Variants in NRP1 observed in about 807,000 individuals in gnomAD.
The protein encoded by NRP1 is neuropilin 1.
Under a neutral mutation model 106.7 loss-of-function variants are expected in NRP1, and 35 were observed. The observed-to-expected ratio is 0.33, with a 90% confidence interval of 0.25 to 0.43. NRP1 has a LOEUF of 0.43. NRP1 is among the 20% of genes least tolerant of loss of function. NRP1 has a pLI of 1.00. For missense variants in NRP1, 1,024 were observed against 1,170.4 expected (o/e 0.87, Z 1.83); for synonymous variants, 437 against 417.9 (o/e 1.05, Z -0.56).
At chr10:33,332,890 T>TGC (rs778551620) in intron 1 of NRP1, among the ~76,000 whole-genome samples, 3 of 151,960 alleles carry the variant, frequency 2.0e-5, no homozygotes, top group Non-Finnish European at 2.9e-5. Flanking sequence ...TGTGTGTGTG[T>TGC]GTGTGTGTAC....
chr10:33,286,677 C>T (rs1844586925), intron 2 of NRP1, among the ~76,000 whole-genome samples: 1 of 152,160 alleles, frequency 6.6e-6, no homozygotes, highest in Non-Finnish European at 1.5e-5. Context: ...ACAGAACAAA[C>T]TTAACTTATT....
In NRP1 at chr10:33,215,718, C is replaced by T. The variant is rs542447521; in HGVS notation, c.1283-2001G>A. Among the ~76,000 whole-genome samples the T allele has an allele frequency of 2.0e-5, 3 of 152,262 alleles. No individual in the cohort carries two copies. The South Asian group carries it at 6.2e-4, about 32-fold the overall frequency. On this transcript the variant is annotated intron_variant, in intron 8 of 16. Transcript: ENST00000374867. ...AACTAAGTCCACATTATCAGCTGAA[C>T]CTTAAGAATTCATTACTCAGATACT... is the stretch of plus-strand genomic sequence containing the variant.
Position 33,180,166 on chromosome 10 carries a change from A to G in NRP1, c.2682T>C (p.Ser894=), listed in dbSNP as rs1564357831. Reference sequence around the variant, plus strand: ...GTTCAAAGTTATAGTTCTCCAGGGCAGACAAGTTTCTTTCTGACATCCCAT... The same window carrying G: ...GTTCAAAGTTATAGTTCTCCAGGGCGGACAAGTTTCTTTCTGACATCCCAT... ...WHNGMSERNL[S]ALENYNFELV... is the part of the protein sequence containing the mutation. Residue 894 remains serine (S), a synonymous_variant, in exon 17 of 17, where the codon TCT becomes TCC. Coordinates refer to ENST00000374867, the MANE Select transcript of NRP1 (RefSeq NM_003873.7). The G allele has an allele frequency of 6.2e-7, 1 of 1,614,172 alleles. No individual in the cohort carries two copies. The highest frequency in any genetic ancestry group is 2.2e-5 in the East Asian group (1 of 44,874).
intron 8 of NRP1, 57 bp downstream of exon 8, chr10:33,221,662 T>A (rs1405665847): frequency 6.4e-7 from 1 of 1,563,294 alleles, no homozygotes; most frequent in Non-Finnish European, 8.8e-7. Flanking sequence ...TTTGCATAAA[T>A]CAAAACAAGA....
intron 6 of NRP1, among the ~76,000 whole-genome samples, chr10:33,252,802 C>T (rs1564425140): frequency 6.6e-6 from 1 of 152,194 alleles, no homozygotes; most frequent in Non-Finnish European, 1.5e-5. Flanking sequence ...GTAGACGTCT[C>T]ATCTTTTCTC....
chr10:33,252,658 G>C (rs1183779609), intron 6 of NRP1, among the ~76,000 whole-genome samples: 1 of 152,032 alleles, frequency 6.6e-6, no homozygotes, highest in Admixed American at 6.6e-5. Flanking sequence ...TCCCCCGAGA[G>C]GCACATCTGT....
chr10:33,198,849 G>A (rs1346300349), intron 11 of NRP1, among the ~76,000 whole-genome samples: 1 of 152,142 alleles, frequency 6.6e-6, no homozygotes, highest in African/African-American at 2.4e-5. Flanking sequence ...GAAGCTGCAG[G>A]AAGCAGCAGG....
intron 2 of NRP1, among the ~76,000 whole-genome samples, chr10:33,305,472 G>A (rs969707979): frequency 6.6e-6 from 1 of 152,126 alleles, no homozygotes; most frequent in Non-Finnish European, 1.5e-5. Flanking sequence ...ACCTGGAAAA[G>A]TAAGAAGTAG....
intron 2 of NRP1, 96 bp from the exon 3 acceptor site, chr10:33,270,952 A>G: frequency 1.8e-6 from 2 of 1,126,586 alleles, no homozygotes; most frequent in African/African-American, 1.6e-5. Context: ...ATAGTGTGCC[A>G]GGAAGAAAAA....
chr10:33,323,644 A>G (rs1847686580), intron 2 of NRP1, among the ~76,000 whole-genome samples: 1 of 152,066 alleles, frequency 6.6e-6, no homozygotes. Context: ...CAAGCCACTG[A>G]CTCTTACAAT....
At chr10:33,199,712 A>C (rs1837125495) in intron 11 of NRP1, among the ~76,000 whole-genome samples, 1 of 152,102 alleles carries the variant, frequency 6.6e-6, no homozygotes, top group Non-Finnish European at 1.5e-5. Flanking sequence ...TACAGTATTG[A>C]ACCAATTCAG....
intron 2 of NRP1, among the ~76,000 whole-genome samples, chr10:33,315,674 T>C (rs1453963841): frequency 3.3e-5 from 5 of 152,084 alleles, no homozygotes; most frequent in South Asian, 2.1e-4. Context: ...ATAAGGAACA[T>C]GAATGAAGTA....
chr10:33,293,685 A>G (rs1233867422), intron 2 of NRP1, among the ~76,000 whole-genome samples: 2 of 152,234 alleles, frequency 1.3e-5, no homozygotes, highest in Non-Finnish European at 2.9e-5. Context: ...AACAGAAAAC[A>G]TGTTCGTTAT....
chr10:33,198,073 C>CTTT (rs78668305), intron 11 of NRP1, among the ~76,000 whole-genome samples: 18,872 of 125,546 alleles, frequency 0.15, 1,405 homozygotes, highest in Middle Eastern at 0.25. Flanking sequence ...CTATTTTAGG[C>CTTT]TTTTTTTTTT....
chr10:33,296,515 G>C (rs142425570), intron 2 of NRP1, among the ~76,000 whole-genome samples: 1 of 152,162 alleles, frequency 6.6e-6, no homozygotes, highest in African/African-American at 2.4e-5. Flanking sequence ...GGATACAGAC[G>C]GGGCCCTGGG....
At chr10:33,299,425 C>T (rs916265814) in intron 2 of NRP1, among the ~76,000 whole-genome samples, 2 of 152,146 alleles carry the variant, frequency 1.3e-5, no homozygotes, top group Non-Finnish European at 2.9e-5. Context: ...TGACAACCAT[C>T]CCAGGATTTC....
At chr10:33,298,794 T>G (rs1036744299) in intron 2 of NRP1, among the ~76,000 whole-genome samples, 5 of 152,194 alleles carry the variant, frequency 3.3e-5, no homozygotes, top group African/African-American at 1.2e-4. Flanking sequence ...AGATTATATT[T>G]ACACGCATAC....
chr10:33,197,605 A>C (rs768326830), intron 12 of NRP1, 45 bp downstream of exon 12: 23 of 1,501,726 alleles, frequency 1.5e-5, no homozygotes, highest in Admixed American at 3.6e-5. Flanking sequence ...CGCGGAGAGA[A>C]GAGAGGTACA....
chr10:33,264,955 G>A (rs1842825396), intron 3 of NRP1, among the ~76,000 whole-genome samples: 1 of 151,840 alleles, frequency 6.6e-6, no homozygotes, highest in African/African-American at 2.4e-5. Flanking sequence ...ACTAAAAATA[G>A]AAAAATTAGC....
Sources: allele counts gnomAD v4.1 joint callset (sites outside exome capture counted in the v4.1 genomes callset), GRCh38; gene constraint gnomAD v4.1.1; transcripts MANE v1.5; gene names NCBI Gene and HGNC (gene_info 2026-07-23, HGNC 2026-07-21).